The following MLLT10 variants were observed in gnomAD, a reference collection of about 807,000 sequenced individuals.
MLLT10 encodes the protein protein AF-10.
A neutral mutation model predicts 129.1 loss-of-function variants in MLLT10; 30 were observed. That is an observed-to-expected ratio of 0.23 (90% CI 0.17 to 0.32). The LOEUF (loss-of-function observed/expected upper bound fraction) is 0.32. Ranked by LOEUF, MLLT10 falls within the 10% of genes least tolerant of loss-of-function variation. MLLT10 has a pLI of 1.00. For missense variants in MLLT10, 1,119 were observed against 1,268.3 expected (o/e 0.88, Z 1.79); for synonymous variants, 490 against 446.4 (o/e 1.10, Z -1.23).
At chr10:21,680,280 G>A (rs897693899) in intron 11 of MLLT10, among the ~76,000 whole-genome samples, 1 of 151,010 alleles carries the variant, frequency 6.6e-6, no homozygotes, top group Admixed American at 6.6e-5. Flanking sequence ...GTGCAATCTC[G>A]GCTCACTGAA....
chr10:21,653,349 G>A (rs2049242737), intron 9 of MLLT10, among the ~76,000 whole-genome samples: 1 of 152,152 alleles, frequency 6.6e-6, no homozygotes, highest in African/African-American at 2.4e-5. Context: ...TAGGACTGAG[G>A]TGCCCACTTC....
At chr10:21,565,567 A>G (rs2039442240) in intron 3 of MLLT10, among the ~76,000 whole-genome samples, 1 of 149,754 alleles carries the variant, frequency 6.7e-6, no homozygotes, top group African/African-American at 2.4e-5. Context: ...TCGGCCTCCC[A>G]AAGTGCTGGG....
chr10:21,673,257 A>G, intron 10 of MLLT10, 93 bp from the exon 11 acceptor site: 2 of 748,364 alleles, frequency 2.7e-6, no homozygotes, highest in Admixed American at 3.0e-5. Flanking sequence ...TAATGATTAT[A>G]TCATGTCTGC....
intron 13 of MLLT10, among the ~76,000 whole-genome samples, chr10:21,695,047 T>C (rs1251618800): frequency 6.7e-6 from 1 of 148,260 alleles, no homozygotes; most frequent in Non-Finnish European, 1.5e-5. Flanking sequence ...CATCTTTCAC[T>C]GACTTTCTAC....
At chr10:21,589,185 AGTCTTT>A (rs1201809596) in intron 4 of MLLT10, among the ~76,000 whole-genome samples, 1 of 152,094 alleles carries the variant, frequency 6.6e-6, no homozygotes, top group Non-Finnish European at 1.5e-5. Flanking sequence ...CCATCTGGTC[AGTCTTT>A]GTTTATATTG....
chr10:21,575,983 G>C (rs1440328142), intron 3 of MLLT10, among the ~76,000 whole-genome samples: 1 of 151,986 alleles, frequency 6.6e-6, no homozygotes, highest in Non-Finnish European at 1.5e-5. Context: ...CTGGAGTACA[G>C]TGGTGTGATC....
At chr10:21,571,776 A>G (rs2040231460) in intron 3 of MLLT10, among the ~76,000 whole-genome samples, 1 of 152,118 alleles carries the variant, frequency 6.6e-6, no homozygotes, top group Admixed American at 6.6e-5. Flanking sequence ...AGCCTTTGCT[A>G]TTCTTTGTTT....
intron 2 of MLLT10, among the ~76,000 whole-genome samples, chr10:21,535,612 G>C (rs1419110957): frequency 6.6e-6 from 1 of 152,240 alleles, no homozygotes; most frequent in Non-Finnish European, 1.5e-5. Flanking sequence ...GAGGACACTA[G>C]TAAGATACTT....
intron 3 of MLLT10, among the ~76,000 whole-genome samples, chr10:21,545,395 T>C (rs758873448): frequency 6.6e-6 from 1 of 151,478 alleles, no homozygotes; most frequent in Non-Finnish European, 1.5e-5. Flanking sequence ...AAGTTGATAG[T>C]GACAGTACTG....
At chr10:21,630,668 C>G (rs1008751684) in intron 8 of MLLT10, among the ~76,000 whole-genome samples, 1 of 152,236 alleles carries the variant, frequency 6.6e-6, no homozygotes. Context: ...TGCTAACAGT[C>G]TGGCTTTTGC....
chr10:21,727,705 A>C, intron 15 of MLLT10, 151 bp from the exon 16 acceptor site: 1 of 621,924 alleles, frequency 1.6e-6, no homozygotes, highest in African/African-American at 1.8e-5. Flanking sequence ...GCAATTCTGA[A>C]CTAGCAACAT....
At chr10:21,688,450 G>A (rs1033538771) in intron 13 of MLLT10, 1 of 1,544,740 alleles carries the variant, frequency 6.5e-7, no homozygotes, top group Non-Finnish European at 8.9e-7. Flanking sequence ...TTTAGGAAGT[G>A]GTGATTAAAA....
At chr10:21,581,254 A>G (rs1158171188) in intron 3 of MLLT10, among the ~76,000 whole-genome samples, 1 of 150,964 alleles carries the variant, frequency 6.6e-6, no homozygotes, top group Non-Finnish European at 1.5e-5. Context: ...TCACCGTGTT[A>G]GCCAGGATGG....
chr10:21,534,862 C>G (rs2033540566), intron 2 of MLLT10, 58 bp downstream of exon 2: 7 of 1,297,568 alleles, frequency 5.4e-6, no homozygotes, highest in African/African-American at 1.6e-5. Flanking sequence ...TCACCGCCGC[C>G]CCCACCTGGG....
intron 3 of MLLT10, among the ~76,000 whole-genome samples, chr10:21,574,236 GTTGAA>G (rs2040502441): frequency 2.0e-5 from 3 of 152,232 alleles, no homozygotes; most frequent in Admixed American, 2.0e-4. Flanking sequence ...CATCTAAGCT[GTTGAA>G]TTGGTTAGCA....
chr10:21,673,524 G>A lies in MLLT10; in HGVS notation c.1226G>A (p.Gly409Glu), dbSNP rs150803413. The change falls in exon 11 of 23, where the codon GGG (glycine) becomes GAG (glutamate). Residue 409 changes from glycine to glutamate, a missense_variant. Physicochemically the swap from Gly to Glu is moderately conservative, Grantham distance 98. Around this residue, in one of 5 missense-constraint regions of MLLT10, gnomAD observed 1,004 missense variants for 1,008.7 expected, o/e 1.00. Coordinates refer to ENST00000307729, the MANE Select transcript of MLLT10 (RefSeq NM_001195626.3). ...VHKGESGSQEGGVNSFSTLIG... is the reference protein window; with the variant it reads ...VHKGESGSQEEGVNSFSTLIG... ...AAAGGAGAGTCTGGAAGCCAGGAAGGGGGGGTAAATAGTTTTAGTACCTTA... is the reference window on the plus strand; with the variant it reads ...AAAGGAGAGTCTGGAAGCCAGGAAGAGGGGGTAAATAGTTTTAGTACCTTA... 2.2e-5 allele frequency: 35 copies of A among 1,613,538 alleles called. No individual in the cohort carries two copies. In the African/African-American group the frequency reaches 2.3e-4, roughly 10 times the overall value.
chr10:21,728,866 ATTTTTTT>A (rs201564671), intron 16 of MLLT10, among the ~76,000 whole-genome samples: 1 of 139,180 alleles, frequency 7.2e-6, no homozygotes, highest in Non-Finnish European at 1.6e-5. Context: ...CATGTCTACA[ATTTTTTT>A]TTTTTTTTTT....
intron 4 of MLLT10, among the ~76,000 whole-genome samples, chr10:21,594,009 A>G (rs2042771324): frequency 6.8e-6 from 1 of 146,980 alleles, no homozygotes; most frequent in Non-Finnish European, 1.5e-5. Flanking sequence ...TAGAGAGGAT[A>G]GATGTATATT....
chr10:21,551,199 A>G (rs1222976193), intron 3 of MLLT10, among the ~76,000 whole-genome samples: 1 of 146,870 alleles, frequency 6.8e-6, no homozygotes, highest in Non-Finnish European at 1.5e-5. Context: ...TGCTGGGATT[A>G]TAGGCGTGAG....
Sources: gnomAD v4.1 joint callset for allele counts (sites outside exome capture counted in the v4.1 genomes callset) on GRCh38, gnomAD v4.1.1 for gene constraint, gnomAD v4.1.1 regional missense constraint, MANE v1.5 for transcripts, NCBI Gene and HGNC (gene_info 2026-07-23, HGNC 2026-07-21) for gene names.